GRID2: variants seen among roughly 807,000 people sequenced by gnomAD.
GRID2 encodes the protein glutamate receptor ionotropic, delta-2.
GRID2 carries 33 observed loss-of-function variants against 114.8 expected under a neutral mutation model. That is an observed-to-expected ratio of 0.29 (90% CI 0.22 to 0.38). The LOEUF is 0.38. Among genes scored for constraint, GRID2 ranks in the 10% least tolerant of loss-of-function variants. The pLI, the probability that GRID2 is intolerant of heterozygous loss-of-function variation, is 1.00. For missense variants in GRID2, 1,184 were observed against 1,257.7 expected (o/e 0.94, Z 0.89); for synonymous variants, 505 against 449.9 (o/e 1.12, Z -1.55).
chr4:93,267,366 C>G (rs1561065145), intron 8 of GRID2, among the ~76,000 whole-genome samples: 1 of 152,062 alleles, frequency 6.6e-6, no homozygotes. Context: ...CAATGGGGAT[C>G]AGAGGACAGT....
chr4:93,521,568 A>G (rs367997988), intron 13 of GRID2, among the ~76,000 whole-genome samples: 3 of 152,278 alleles, frequency 2.0e-5, no homozygotes, highest in African/African-American at 7.2e-5. Flanking sequence ...TTTGGAAACC[A>G]GCAGTCACTG....
chr4:93,485,129 T>C (rs1489257107), intron 11 of GRID2, among the ~76,000 whole-genome samples: 1 of 151,728 alleles, frequency 6.6e-6, no homozygotes, highest in Non-Finnish European at 1.5e-5. Context: ...GGCTGTGGAG[T>C]GGTATTTTTT....
intron 1 of GRID2, among the ~76,000 whole-genome samples, chr4:92,443,914 G>C (rs1733284723): frequency 6.6e-6 from 1 of 152,206 alleles, no homozygotes; most frequent in Non-Finnish European, 1.5e-5. Flanking sequence ...TGGGTCCACA[G>C]ATAAAATGTA....
chr4:93,236,699 A>G (rs1305631815), intron 7 of GRID2, among the ~76,000 whole-genome samples: 1 of 152,034 alleles, frequency 6.6e-6, no homozygotes, highest in East Asian at 1.9e-4. Flanking sequence ...CAGTGAAAGG[A>G]GTGAATACAT....
chr4:92,691,174 G>C (rs1734165442), intron 2 of GRID2, among the ~76,000 whole-genome samples: 4 of 152,068 alleles, frequency 2.6e-5, no homozygotes, highest in Admixed American at 2.0e-4. Flanking sequence ...AATTGGTACT[G>C]AGAAGAAATG....
chr4:93,488,516 A>G (rs140299346), intron 11 of GRID2, among the ~76,000 whole-genome samples: 1 of 152,040 alleles, frequency 6.6e-6, no homozygotes, highest in Admixed American at 6.6e-5. Flanking sequence ...AATCCTGTTA[A>G]GTCATTCACG....
At chr4:92,813,653 C>T (rs904451503) in intron 2 of GRID2, among the ~76,000 whole-genome samples, 22 of 152,108 alleles carry the variant, frequency 1.4e-4, no homozygotes, top group African/African-American at 4.8e-4. Context: ...TACAGACACA[C>T]GCACGCACAC....
At chr4:92,810,279 T>G (rs546157289) in intron 2 of GRID2, among the ~76,000 whole-genome samples, 1 of 152,088 alleles carries the variant, frequency 6.6e-6, no homozygotes, top group East Asian at 1.9e-4. Flanking sequence ...GAACCTATCC[T>G]TAATTTATGA....
chr4:93,191,826 T>A (rs1402138532), intron 4 of GRID2, among the ~76,000 whole-genome samples: 3 of 152,178 alleles, frequency 2.0e-5, no homozygotes, highest in Non-Finnish European at 2.9e-5. Flanking sequence ...CAAAATTCAT[T>A]TCAAGCATAT....
intron 4 of GRID2, among the ~76,000 whole-genome samples, chr4:93,189,867 T>A (rs922296171): frequency 6.6e-6 from 1 of 151,666 alleles, no homozygotes; most frequent in Non-Finnish European, 1.5e-5. Flanking sequence ...TTTTTGTTTC[T>A]GCTCCAAAAG....
chr4:93,164,346 A>G (rs1738051093), intron 4 of GRID2, among the ~76,000 whole-genome samples: 1 of 152,068 alleles, frequency 6.6e-6, no homozygotes, highest in Admixed American at 6.6e-5. Flanking sequence ...TAAAGTGAGT[A>G]AGGATAGCAG....
At chr4:93,740,975 T>C (rs1190963032) in intron 14 of GRID2, among the ~76,000 whole-genome samples, 1 of 151,400 alleles carries the variant, frequency 6.6e-6, no homozygotes, top group Non-Finnish European at 1.5e-5. Flanking sequence ...AGATAATACA[T>C]TTGAAAGCAA....
intron 1 of GRID2, among the ~76,000 whole-genome samples, chr4:93,789,898 G>A (rs1396985690): frequency 6.6e-6 from 1 of 152,144 alleles, no homozygotes; most frequent in Admixed American, 6.5e-5. Flanking sequence ...AAGTGAATGG[G>A]GGTAAGTGAG....
chr4:92,778,005 G>T (rs1043635258), intron 2 of GRID2, among the ~76,000 whole-genome samples: 3 of 152,086 alleles, frequency 2.0e-5, no homozygotes, highest in African/African-American at 7.2e-5. Flanking sequence ...TTTCCTTAAT[G>T]GAAGAGATAA....
At position 92,688,111 on chromosome 4, in the gene GRID2, G is replaced by A. The variant is rs931511329; in HGVS notation, c.244+97825G>A. On this transcript the variant is annotated intron_variant, in intron 2 of 15. Transcript: ENST00000282020. ...GTTGCCCAGGCTGGAGCACAGTGGTGCCATGTTGGCTCACTGCAACCTCCA... is the reference window on the plus strand; with the variant it reads ...GTTGCCCAGGCTGGAGCACAGTGGTACCATGTTGGCTCACTGCAACCTCCA... 4.5e-5 allele frequency among the ~76,000 whole-genome samples: 6 copies of A among 133,326 alleles called. No individual in the cohort carries two copies. In the Admixed American group the frequency reaches 5.3e-4, roughly 12 times the overall value. 87.5% of individuals were successfully genotyped at this position (133,326 alleles called of 152,430 possible).
At chr4:93,126,499 C>G (rs916391254) in intron 4 of GRID2, among the ~76,000 whole-genome samples, 1 of 149,500 alleles carries the variant, frequency 6.7e-6, no homozygotes, top group African/African-American at 2.5e-5. Flanking sequence ...TCTGCCTGTA[C>G]CTAGTAGATG....
intron 13 of GRID2, among the ~76,000 whole-genome samples, chr4:93,613,538 C>A (rs1297753324): frequency 1.4e-5 from 1 of 71,928 alleles, no homozygotes. Flanking sequence ...ACAGACAGGA[C>A]CCTCAGCTGC....
intron 1 of GRID2, among the ~76,000 whole-genome samples, chr4:92,472,644 G>C (rs1484363320): frequency 1.3e-5 from 2 of 151,976 alleles, no homozygotes; most frequent in African/African-American, 4.8e-5. Flanking sequence ...GGGATGTCTC[G>C]CTGTGGGTTC....
chr4:92,444,788 G>A (rs1181244849), intron 1 of GRID2, among the ~76,000 whole-genome samples: 1 of 152,238 alleles, frequency 6.6e-6, no homozygotes. Flanking sequence ...CATGTGGACA[G>A]TGGGTTTACT....
Sources: gnomAD v4.1 joint callset for allele counts (sites outside exome capture counted in the v4.1 genomes callset) on GRCh38, gnomAD v4.1.1 for gene constraint, MANE v1.5 for transcripts, NCBI Gene and HGNC (gene_info 2026-07-23, HGNC 2026-07-21) for gene names.